FSTL5: variants seen among roughly 807,000 people sequenced by gnomAD.
FSTL5 encodes follistatin like 5, also known as follistatin-related protein 5.
FSTL5 carries 62 observed loss-of-function variants against 89.1 expected under a neutral mutation model. The ratio of observed to expected loss-of-function variants is 0.70; its 90% CI spans 0.57 to 0.86. The LOEUF is 0.86. FSTL5 is among the 40% of genes least tolerant of loss of function. The pLI is 0.00. For synonymous variants in FSTL5, 383 were observed against 346.2 expected (o/e 1.11, Z -1.18); for missense variants, 1,057 against 1,001.6 (o/e 1.06, Z -0.75).
At chr4:161,485,210 C>T (rs1380505464) in intron 12 of FSTL5, among the ~76,000 whole-genome samples, 1 of 152,224 alleles carries the variant, frequency 6.6e-6, no homozygotes, top group African/African-American at 2.4e-5. Context: ...TGTTAGTGTA[C>T]ATTCTGACCT....
intron 11 of FSTL5, among the ~76,000 whole-genome samples, chr4:161,506,355 C>T (rs1471318305): frequency 6.6e-6 from 1 of 152,002 alleles, no homozygotes; most frequent in African/African-American, 2.4e-5. Context: ...TTAAAGGTAT[C>T]AGCCACCACA....
At chr4:161,474,012 T>C (rs1435666788) in intron 13 of FSTL5, among the ~76,000 whole-genome samples, 1 of 152,228 alleles carries the variant, frequency 6.6e-6, no homozygotes, top group Non-Finnish European at 1.5e-5. Flanking sequence ...TCTATATGCC[T>C]TACAGATTTC....
rs564711295 is a variant in FSTL5 at position 161,846,818 on chromosome 4, A to C, written c.410-70744T>G. On this transcript the variant is annotated intron_variant, in intron 4 of 15. Coordinates refer to ENST00000306100, the MANE Select transcript of FSTL5 (RefSeq NM_020116.5). ...TTACCACTTCTCTATGCAGCCATGCAGTCTTGTATTACTGACTTAGGCATT... is the reference window on the plus strand; with the variant it reads ...TTACCACTTCTCTATGCAGCCATGCCGTCTTGTATTACTGACTTAGGCATT... 2.0e-5 allele frequency among the ~76,000 whole-genome samples: 3 copies of C among 152,312 alleles called. No individual in the cohort carries two copies. The East Asian group carries it at 5.8e-4, about 29-fold the overall frequency.
chr4:162,140,963 T>G (rs1732708303), intron 1 of FSTL5, among the ~76,000 whole-genome samples: 1 of 152,058 alleles, frequency 6.6e-6, no homozygotes, highest in South Asian at 2.1e-4. Flanking sequence ...TAGGGCCTGG[T>G]GGGAGGTGTT....
intron 11 of FSTL5, among the ~76,000 whole-genome samples, chr4:161,500,813 T>A (rs1730266928): frequency 6.6e-6 from 1 of 152,126 alleles, no homozygotes; most frequent in East Asian, 1.9e-4. Flanking sequence ...TCTCAGAAAT[T>A]CATCTCCCCC....
intron 6 of FSTL5, among the ~76,000 whole-genome samples, chr4:161,674,656 G>A (rs1008756149): frequency 2.6e-5 from 4 of 152,230 alleles, no homozygotes; most frequent in East Asian, 3.9e-4. Flanking sequence ...TCTCCCTCAC[G>A]GGCTTGTTTG....
At chr4:161,566,100 CTATATATATA>C (rs59511238) in intron 8 of FSTL5, among the ~76,000 whole-genome samples, 3,220 of 54,042 alleles carry the variant, frequency 0.06, 327 homozygotes, top group African/African-American at 0.2. Context: ...TTTTTTTGGA[CTATATATATA>C]TATATATATA....
chr4:161,783,765 T>G (rs1306952053), intron 4 of FSTL5, among the ~76,000 whole-genome samples: 1 of 133,312 alleles, frequency 7.5e-6, no homozygotes, highest in African/African-American at 2.8e-5. Context: ...TCTTTCCTTC[T>G]TTCTCTTTCT....
At chr4:162,155,263 G>A (rs1273028428) in intron 1 of FSTL5, among the ~76,000 whole-genome samples, 1 of 152,178 alleles carries the variant, frequency 6.6e-6, no homozygotes, top group Admixed American at 6.5e-5. Context: ...TAAAAGCCGG[G>A]TTAGAGGTCA....
rs529533731 is a variant in FSTL5 at position 161,853,451 on chromosome 4, A to C, written c.409+66953T>G. On this transcript the variant is annotated intron_variant, in intron 4 of 15. Coordinates refer to ENST00000306100, the MANE Select transcript of FSTL5 (RefSeq NM_020116.5). ...CCCAGCTAATTTTTGTATTTTTAGT[A>C]GGAACAGGGTTTCATCATGTTGGCC... Among the ~76,000 whole-genome samples, 6 of 152,254 alleles carry C rather than the reference A, an allele frequency of 3.9e-5. No individual in the cohort carries two copies. The East Asian group carries it at 1.2e-3, about 29-fold the overall frequency.
chr4:161,611,862 C>A (rs1334689524), intron 7 of FSTL5, among the ~76,000 whole-genome samples: 1 of 152,142 alleles, frequency 6.6e-6, no homozygotes, highest in Non-Finnish European at 1.5e-5. Context: ...AAACTCTAAT[C>A]CCCAAAAGGA....
At chr4:161,820,677 C>A (rs370947619) in intron 4 of FSTL5, among the ~76,000 whole-genome samples, 1 of 152,056 alleles carries the variant, frequency 6.6e-6, no homozygotes, top group Non-Finnish European at 1.5e-5. Context: ...ATTTCCTTCA[C>A]GGACTTGGCA....
At chr4:161,855,535 C>A (rs1360712395) in intron 4 of FSTL5, among the ~76,000 whole-genome samples, 1 of 150,942 alleles carries the variant, frequency 6.6e-6, no homozygotes, top group African/African-American at 2.4e-5. Context: ...TGTATCAATG[C>A]CAAAAATATA....
chr4:161,899,107 G>T (rs1467912620), intron 4 of FSTL5, among the ~76,000 whole-genome samples: 2 of 152,094 alleles, frequency 1.3e-5, no homozygotes, highest in East Asian at 1.9e-4. Context: ...GGGCCGTGGG[G>T]TCAATAGGCA....
chr4:162,137,572 G>A (rs973542740), intron 1 of FSTL5, among the ~76,000 whole-genome samples: 13 of 152,012 alleles, frequency 8.6e-5, no homozygotes, highest in Admixed American at 2.0e-4. Context: ...TTTTTTGCCC[G>A]AATGACTAGT....
chr4:161,758,447 T>C (rs1740655580), intron 6 of FSTL5, among the ~76,000 whole-genome samples: 1 of 152,204 alleles, frequency 6.6e-6, no homozygotes, highest in Non-Finnish European at 1.5e-5. Context: ...TTTCTTTCTT[T>C]TTACACGTAG....
chr4:162,018,502 G>A (rs191578848), intron 3 of FSTL5, among the ~76,000 whole-genome samples: 1 of 151,304 alleles, frequency 6.6e-6, no homozygotes, highest in East Asian at 2.0e-4. Context: ...TAAGAGTAAC[G>A]ATTTAATAAT....
intron 4 of FSTL5, among the ~76,000 whole-genome samples, chr4:161,809,011 G>A (rs1205838259): frequency 6.6e-6 from 1 of 152,166 alleles, no homozygotes; most frequent in African/African-American, 2.4e-5. Context: ...GAGGTCAGAA[G>A]ATCGAGACCA....
chr4:161,456,332 C>G (rs1733349969), intron 14 of FSTL5, among the ~76,000 whole-genome samples: 1 of 152,052 alleles, frequency 6.6e-6, no homozygotes, highest in South Asian at 2.1e-4. Flanking sequence ...GAGAATCCAC[C>G]TGAGGACACT....
Sources: allele counts gnomAD v4.1 joint callset (sites outside exome capture counted in the v4.1 genomes callset), GRCh38; gene constraint gnomAD v4.1.1; transcripts MANE v1.5; gene names NCBI Gene and HGNC (gene_info 2026-07-23, HGNC 2026-07-21).